The following CCSER1 variants were observed in gnomAD, a reference collection of about 807,000 sequenced individuals.
The protein encoded by CCSER1 is serine-rich coiled-coil domain-containing protein 1.
Under a neutral mutation model 82.0 loss-of-function variants are expected in CCSER1, and 41 were observed. The ratio of observed to expected loss-of-function variants is 0.50; its 90% CI spans 0.39 to 0.65. The LOEUF is 0.65. CCSER1 is among the 30% of genes least tolerant of loss of function. The pLI is 0.00. For synonymous variants in CCSER1, 414 were observed against 383.9 expected (o/e 1.08, Z -0.92); for missense variants, 1,119 against 1,064.2 (o/e 1.05, Z -0.72).
intron 1 of CCSER1, among the ~76,000 whole-genome samples, chr4:90,207,390 C>G (rs1739065702): frequency 6.6e-6 from 1 of 152,148 alleles, no homozygotes; most frequent in South Asian, 2.1e-4. Flanking sequence ...GTTAGCAATT[C>G]CTCTAACCTT....
chr4:90,974,157 AT>A (rs1735382052), intron 9 of CCSER1, among the ~76,000 whole-genome samples: 1 of 151,724 alleles, frequency 6.6e-6, no homozygotes, highest in African/African-American at 2.4e-5. Context: ...ATGTGACAAG[AT>A]TTAACAATAC....
At chr4:90,472,721 G>C (rs920775411) in intron 5 of CCSER1, among the ~76,000 whole-genome samples, 38 of 152,118 alleles carry the variant, frequency 2.5e-4, no homozygotes, top group African/African-American at 8.4e-4. Context: ...AATCCAAAAA[G>C]AGTGTACAAT....
intron 9 of CCSER1, among the ~76,000 whole-genome samples, chr4:91,082,274 A>G (rs1416476669): frequency 1.3e-5 from 2 of 152,160 alleles, no homozygotes. Flanking sequence ...ATCTACAACC[A>G]TCTTTGACAA....
intron 5 of CCSER1, among the ~76,000 whole-genome samples, chr4:90,470,810 A>T (rs1319709223): frequency 6.9e-6 from 1 of 145,270 alleles, no homozygotes; most frequent in Non-Finnish European, 1.5e-5. Flanking sequence ...GTGTCATTGG[A>T]TTGGCTTTGA....
intron 5 of CCSER1, 58 bp from the exon 6 acceptor site, chr4:90,627,967 A>G: frequency 7.4e-7 from 1 of 1,343,028 alleles, no homozygotes; most frequent in East Asian, 2.3e-5. Context: ...ACAACTTGGG[A>G]AATACTGCTC....
intron 5 of CCSER1, among the ~76,000 whole-genome samples, chr4:90,511,518 A>G (rs1262801001): frequency 6.6e-6 from 1 of 152,196 alleles, no homozygotes; most frequent in Non-Finnish European, 1.5e-5. Flanking sequence ...ATAGACTAAA[A>G]GGAGTTAGAG....
intron 6 of CCSER1, among the ~76,000 whole-genome samples, chr4:90,669,889 T>C (rs1250857128): frequency 6.6e-6 from 1 of 152,132 alleles, no homozygotes; most frequent in East Asian, 1.9e-4. Flanking sequence ...CTTTGCTTAT[T>C]GTTGCAGATT....
At position 90,383,346 on chromosome 4, in the gene CCSER1, C is replaced by T. The variant is rs184882893; in HGVS notation, c.1510-16690C>T. Among the ~76,000 whole-genome samples, 133 of 152,172 alleles carry T rather than the reference C, an allele frequency of 8.7e-4. 1 individual carries two copies. Among genetic ancestry groups the T allele is most frequent in the African/African-American group, 2.9e-3 (122 of 41,538 alleles). Reference sequence around the variant, plus strand: ...GAATTACAGATTATCATGAATAATACGATCAACTTTACCCTCACTTTACAG... The same window carrying T: ...GAATTACAGATTATCATGAATAATATGATCAACTTTACCCTCACTTTACAG... On this transcript the variant is annotated intron_variant, in intron 3 of 10. Transcript: ENST00000509176.
At chr4:91,425,811 C>A (rs932672183) in intron 10 of CCSER1, among the ~76,000 whole-genome samples, 4 of 152,146 alleles carry the variant, frequency 2.6e-5, no homozygotes, top group African/African-American at 9.7e-5. Flanking sequence ...TGCTCTACAA[C>A]ATTATGTTTA....
intron 1 of CCSER1, among the ~76,000 whole-genome samples, chr4:90,294,366 CAA>C (rs1731477826): frequency 6.6e-6 from 1 of 151,812 alleles, no homozygotes; most frequent in African/African-American, 2.4e-5. Flanking sequence ...AAAAAAAATA[CAA>C]AGTCTTTATA....
chr4:91,402,641 T>C (rs1211515622), intron 10 of CCSER1, among the ~76,000 whole-genome samples: 2 of 152,226 alleles, frequency 1.3e-5, no homozygotes, highest in Non-Finnish European at 2.9e-5. Context: ...GCACCATTTG[T>C]TAAATAGGGA....
intron 1 of CCSER1, among the ~76,000 whole-genome samples, chr4:90,242,380 T>C (rs955745117): frequency 1.8e-4 from 28 of 152,196 alleles, no homozygotes; most frequent in Non-Finnish European, 4.4e-5. Flanking sequence ...CTATTCCCAA[T>C]GTTAAGGAAC....
chr4:90,329,942 A>G (rs1738971969), intron 3 of CCSER1, among the ~76,000 whole-genome samples: 1 of 152,148 alleles, frequency 6.6e-6, no homozygotes, highest in Admixed American at 6.5e-5. Context: ...ATAAATTACT[A>G]ATTTTAAAGT....
At chr4:91,329,164 C>T (rs1355661391) in intron 10 of CCSER1, among the ~76,000 whole-genome samples, 1 of 152,062 alleles carries the variant, frequency 6.6e-6, no homozygotes, top group Non-Finnish European at 1.5e-5. Flanking sequence ...AATTTATCTT[C>T]CACACAAAAA....
At chr4:91,198,253 G>A (rs1319261492) in intron 10 of CCSER1, among the ~76,000 whole-genome samples, 1 of 151,978 alleles carries the variant, frequency 6.6e-6, no homozygotes, top group Non-Finnish European at 1.5e-5. Flanking sequence ...TGACACACCA[G>A]AAATATAATT....
At chr4:90,767,479 G>A (rs1218509714) in intron 7 of CCSER1, among the ~76,000 whole-genome samples, 1 of 152,054 alleles carries the variant, frequency 6.6e-6, no homozygotes, top group Non-Finnish European at 1.5e-5. Context: ...TGCACATACT[G>A]AACTAAACGA....
At chr4:91,061,243 G>A (rs1018378317) in intron 9 of CCSER1, among the ~76,000 whole-genome samples, 1 of 151,564 alleles carries the variant, frequency 6.6e-6, no homozygotes, top group African/African-American at 2.4e-5. Flanking sequence ...AATGACTTAT[G>A]TAATACTGTA....
intron 5 of CCSER1, among the ~76,000 whole-genome samples, chr4:90,596,458 G>A (rs962986217): frequency 2.0e-5 from 3 of 151,568 alleles, no homozygotes; most frequent in African/African-American, 7.3e-5. Context: ...TTTAAATTTG[G>A]CATTTAAGCT....
chr4:90,139,000 A>G (rs931781009), intron 1 of CCSER1, among the ~76,000 whole-genome samples: 8 of 152,166 alleles, frequency 5.3e-5, no homozygotes, highest in Admixed American at 3.3e-4. Flanking sequence ...CTGTCCCCAT[A>G]TAATTGATGG....
Sources: gnomAD v4.1 joint callset for allele counts (sites outside exome capture counted in the v4.1 genomes callset) on GRCh38, gnomAD v4.1.1 for gene constraint, MANE v1.5 for transcripts, NCBI Gene and HGNC (gene_info 2026-07-23, HGNC 2026-07-21) for gene names.